Variants in RYR2 observed in about 807,000 individuals in gnomAD.
RYR2 encodes the protein cardiac muscle ryanodine receptor-calcium release channel.
RYR2 carries 227 observed loss-of-function variants against 601.1 expected under a neutral mutation model. That is an observed-to-expected ratio of 0.38 (90% CI 0.34 to 0.42). RYR2 has a LOEUF of 0.42. RYR2 is among the 10% of genes least tolerant of loss of function. RYR2 has a pLI of 1.00. For missense variants in RYR2, 4,646 were observed against 6,156.5 expected, an observed-to-expected ratio of 0.75 and a Z score of 8.21; for synonymous variants, 2,223 against 2,175.1, an observed-to-expected ratio of 1.02 and a Z score of -0.61.
At position 237,491,788 on chromosome 1, in the gene RYR2, T is replaced by G. The variant is rs866687072; in HGVS notation, c.1709-18T>G. 2 of 1,197,898 alleles carry G rather than the reference T, an allele frequency of 1.7e-6. No individual in the cohort carries two copies. The highest frequency in any genetic ancestry group is 1.3e-5 in the South Asian group (1 of 75,300). The allele number at this position is 1,197,898 out of a possible 1,614,324, so 74.2% of individuals were successfully genotyped here. ...TTAATCATGTGTTTTTTTTCCTCTT[T>G]CTTTGTTTTATCTTTAGGCATTCTG... is the stretch of plus-strand genomic sequence containing the variant. On this transcript the variant is annotated intron_variant, in intron 17 of 104. Coordinates refer to ENST00000366574, the MANE Select transcript of RYR2 (RefSeq NM_001035.3).
At chr1:237,412,400 G>A (rs183976310) in intron 10 of RYR2, among the ~76,000 whole-genome samples, 1 of 152,190 alleles carries the variant, frequency 6.6e-6, no homozygotes, top group East Asian at 1.9e-4. Flanking sequence ...ATAACTTACA[G>A]CCTTAAGTCT....
intron 6 of RYR2, 132 bp from the exon 7 acceptor site, chr1:237,374,585 G>C (rs1237605148): frequency 1.4e-6 from 1 of 700,126 alleles, no homozygotes; most frequent in Non-Finnish European, 2.6e-6. Flanking sequence ...TTGAGCCCAG[G>C]AGGTTGAGGC....
At chr1:237,572,770 A>T (rs1672833201) in intron 29 of RYR2, among the ~76,000 whole-genome samples, 1 of 152,126 alleles carries the variant, frequency 6.6e-6, no homozygotes. Flanking sequence ...TCATGAATCT[A>T]AATTTTCTAC....
chr1:237,082,552 T>TATATATATATATAC (rs1558200717), intron 1 of RYR2, among the ~76,000 whole-genome samples: 1 of 134,172 alleles, frequency 7.5e-6, no homozygotes, highest in Non-Finnish European at 1.6e-5. Context: ...TATATATATA[T>TATATATATATATAC]ATATAAAATC....
Position 237,327,438 on chromosome 1 carries a change from G to A in RYR2, c.169-3440G>A, listed in dbSNP as rs559735671. On this transcript the variant is annotated intron_variant, in intron 2 of 104. Coordinates refer to ENST00000366574, the MANE Select transcript of RYR2 (RefSeq NM_001035.3). ...TTTTCAAGGATCTTTAAAATAACAT[G>A]AGATATTACAGCAATCCTTACTTTA... Among the ~76,000 whole-genome samples the A allele has an allele frequency of 3.4e-4, 52 of 152,302 alleles. No homozygotes were observed. In the South Asian group the frequency reaches 0.01, roughly 30 times the overall value.
intron 1 of RYR2, among the ~76,000 whole-genome samples, chr1:237,222,091 T>C (rs538448197): frequency 1.3e-5 from 2 of 152,262 alleles, no homozygotes; most frequent in African/African-American, 4.8e-5. Flanking sequence ...ATTGCATTTG[T>C]GTGATATCTT....
At chr1:237,782,056 C>T (rs532321126) in intron 89 of RYR2, among the ~76,000 whole-genome samples, 6 of 152,122 alleles carry the variant, frequency 3.9e-5, no homozygotes, top group East Asian at 3.9e-4. Flanking sequence ...TTCTTAAAGC[C>T]GTGGCACTGC....
In RYR2 at chr1:237,728,483, T is replaced by G. The variant is rs548373041; in HGVS notation, c.10838+1284T>G. ...ATTCTACTATAAAGACACATGCACA[T>G]GTATGTTTATTGCAGCACTGTTCAC... On this transcript the variant is annotated intron_variant, in intron 76 of 104. Transcript: ENST00000366574. 4.1e-4 allele frequency among the ~76,000 whole-genome samples: 62 copies of G among 152,214 alleles called. No individual in the cohort carries two copies. The South Asian group carries it at 8.5e-3, about 21-fold the overall frequency.
chr1:237,546,996 T>TACA (rs58880986), intron 25 of RYR2, among the ~76,000 whole-genome samples: 2 of 120,116 alleles, frequency 1.7e-5, no homozygotes, highest in African/African-American at 5.8e-5. Flanking sequence ...TATATATATA[T>TACA]TTATTTATTT....
At chr1:237,159,067 C>T (rs908098202) in intron 1 of RYR2, among the ~76,000 whole-genome samples, 1 of 151,492 alleles carries the variant, frequency 6.6e-6, no homozygotes, top group Admixed American at 6.6e-5. Context: ...CCGAGGCGGG[C>T]GGATCACCTG....
intron 96 of RYR2, among the ~76,000 whole-genome samples, chr1:237,795,846 A>ATATATATG (rs1436262969): frequency 2.0e-4 from 23 of 116,874 alleles, no homozygotes; most frequent in African/African-American, 9.4e-4. Context: ...GTATATATAT[A>ATATATATG]TATGTATATG....
intron 63 of RYR2, among the ~76,000 whole-genome samples, chr1:237,691,311 T>C (rs935942002): frequency 6.6e-6 from 1 of 152,072 alleles, no homozygotes; most frequent in East Asian, 1.9e-4. Flanking sequence ...ACCTTAAATA[T>C]GTCAGAAAGT....
chr1:237,795,990 A>G (rs911575569), intron 96 of RYR2, among the ~76,000 whole-genome samples: 1 of 149,954 alleles, frequency 6.7e-6, no homozygotes, highest in African/African-American at 2.4e-5. Context: ...GTATATACAT[A>G]TATAAATGTG....
chr1:237,475,287 G>T (rs1408666494), intron 17 of RYR2, among the ~76,000 whole-genome samples: 1 of 152,002 alleles, frequency 6.6e-6, no homozygotes, highest in African/African-American at 2.4e-5. Context: ...GATTATGAAT[G>T]GAAATTAAAA....
intron 58 of RYR2, among the ~76,000 whole-genome samples, chr1:237,668,620 G>A (rs1558180897): frequency 1.3e-5 from 2 of 152,140 alleles, no homozygotes; most frequent in Non-Finnish European, 2.9e-5. Context: ...TACTATTTTC[G>A]AGCTCAGGGC....
chr1:237,449,385 T>C (rs1657789608), intron 14 of RYR2, among the ~76,000 whole-genome samples: 1 of 152,194 alleles, frequency 6.6e-6, no homozygotes, highest in South Asian at 2.1e-4. Context: ...ACTCTATGAA[T>C]AGTATAAGAA....
At chr1:237,828,114 G>C (rs1663373514) in intron 101 of RYR2, among the ~76,000 whole-genome samples, 1 of 152,112 alleles carries the variant, frequency 6.6e-6, no homozygotes, top group South Asian at 2.1e-4. Flanking sequence ...TATATGCCAA[G>C]TTAACAAAAG....
At chr1:237,136,904 C>G (rs1485904811) in intron 1 of RYR2, among the ~76,000 whole-genome samples, 1 of 151,016 alleles carries the variant, frequency 6.6e-6, no homozygotes, top group African/African-American at 2.4e-5. Flanking sequence ...GTAATCCCAG[C>G]TACTCAGGAG....
chr1:237,313,424 G>C (rs1300342021), intron 2 of RYR2, among the ~76,000 whole-genome samples: 1 of 152,116 alleles, frequency 6.6e-6, no homozygotes, highest in Non-Finnish European at 1.5e-5. Context: ...TTTGACTGCA[G>C]AAGAGGAGAA....
Sources: allele counts gnomAD v4.1 joint callset (sites outside exome capture counted in the v4.1 genomes callset), GRCh38; gene constraint gnomAD v4.1.1; transcripts MANE v1.5; gene names NCBI Gene and HGNC (gene_info 2026-07-23, HGNC 2026-07-21).